CACNA1C: variants seen among roughly 807,000 people sequenced by gnomAD.
The protein encoded by CACNA1C is voltage-dependent L-type calcium channel subunit alpha-1C.
A neutral mutation model predicts 229.0 loss-of-function variants in CACNA1C; 30 were observed. The observed-to-expected ratio is 0.13, with a 90% CI of 0.10 to 0.18. CACNA1C has a LOEUF of 0.18. Ranked by LOEUF, CACNA1C falls within the 10% of genes least tolerant of loss-of-function variation. CACNA1C has a pLI of 1.00. For missense variants in CACNA1C, 1,658 were observed against 2,845.0 expected (o/e 0.58, Z 9.49); for synonymous variants, 1,114 against 1,132.5 (o/e 0.98, Z 0.33).
rs886049204 is a variant in CACNA1C at position 2,610,663 on chromosome 12, C to T, written c.3681C>T (p.Val1227=). ...NSTYFEYLMF[V]LILLNTICLA... is the part of the protein sequence containing the mutation. ...CCTACTTCGAGTACCTGATGTTCGT[C>T]CTCATCCTGCTCAACACCATCTGCC... Residue 1227 remains valine, a synonymous_variant, in exon 28 of 47, where the codon GTC becomes GTT. Transcript: ENST00000399655. 1.2e-6 allele frequency: 2 copies of T among 1,614,256 alleles called. No individual in the cohort carries two copies. Among genetic ancestry groups the T allele is most frequent in the Admixed American group, 3.3e-5 (2 of 60,032 alleles).
At chr12:2,186,463 G>A (rs867107746) in intron 3 of CACNA1C, among the ~76,000 whole-genome samples, 7 of 152,308 alleles carry the variant, frequency 4.6e-5, no homozygotes, top group Middle Eastern at 3.4e-3. Flanking sequence ...AGTGTGAAAT[G>A]TGCCTGTACC....
chr12:2,200,433 T>C (rs2154317440), intron 3 of CACNA1C, among the ~76,000 whole-genome samples: 1 of 152,300 alleles, frequency 6.6e-6, no homozygotes, highest in South Asian at 2.1e-4. Context: ...AGGTTGCTAC[T>C]GGCATCTAGC....
Position 2,643,035 on chromosome 12 carries a change from A to C in CACNA1C, c.3913-5440A>C, listed in dbSNP as rs557330709. On this transcript the variant is annotated intron_variant, in intron 30 of 46. Transcript: ENST00000399655. ...CTCAGCCATCCACAGCTTCACACAC[A>C]AAGCAGGAAGAGCAAAAGAGGGCCA... 4.7e-4 allele frequency among the ~76,000 whole-genome samples: 72 copies of C among 152,344 alleles called. 1 individual carries two copies. The highest frequency in any genetic ancestry group is 8.1e-4 in the Non-Finnish European group (55 of 68,022).
In CACNA1C at chr12:2,605,293, G is replaced by A. The variant is rs913654684; in HGVS notation, c.3048+125G>A. 20 of 668,980 alleles carry A rather than the reference G, an allele frequency of 3.0e-5. 1 individual carries two copies. The South Asian group carries it at 3.4e-4, about 11-fold the overall frequency. 41.4% of individuals were successfully genotyped at this position (668,980 alleles called of 1,614,324 possible). ...CAAGTGGCTGCCATGTGGGGTCCCG[G>A]ACACTGGTCCCACTGCATGTCCCGG... On this transcript the variant is annotated intron_variant, in intron 23 of 46. Transcript: ENST00000399655. The surrounding 1 kb of genome is among the most constrained non-coding windows in gnomAD (Gnocchi z 6.2).
chr12:2,421,027 A>G (rs979325001), intron 3 of CACNA1C, among the ~76,000 whole-genome samples: 14 of 152,210 alleles, frequency 9.2e-5, no homozygotes, highest in Admixed American at 6.5e-4. Flanking sequence ...AAGGTAAACT[A>G]TTAGTGACTA....
chr12:2,261,527 T>TA (rs1349706206), intron 3 of CACNA1C, among the ~76,000 whole-genome samples: 1 of 152,208 alleles, frequency 6.6e-6, no homozygotes, highest in Non-Finnish European at 1.5e-5. Flanking sequence ...TCCTCACAGA[T>TA]ACACGAAAAA....
At chr12:2,214,326 A>G (rs1057214033) in intron 3 of CACNA1C, among the ~76,000 whole-genome samples, 67 of 152,096 alleles carry the variant, frequency 4.4e-4, no homozygotes, top group African/African-American at 1.4e-3. Context: ...CTGTGACTCC[A>G]CTTCTCACTT....
intron 37 of CACNA1C, chr12:2,668,530 C>A: frequency 5.6e-6 from 1 of 178,570 alleles, no homozygotes; most frequent in African/African-American, 2.4e-5. Context: ...TTAATTGGCC[C>A]ACAGTTCAGC....
intron 11 of CACNA1C, among the ~76,000 whole-genome samples, chr12:2,565,273 C>T (rs1288450653): frequency 6.6e-6 from 1 of 151,270 alleles, no homozygotes; most frequent in Non-Finnish European, 1.5e-5. Context: ...TCGAGACCAT[C>T]CTGGCTAACA....
At position 2,142,898 on chromosome 12, in the gene CACNA1C, A is replaced by C. The variant is rs115552352; in HGVS notation, c.477+22468A>C. ...TTACAAAAGAGTCAAAAAGTTAAAA[A>C]AAATTAAAAGGTTTGTAAAGTAGAA... On this transcript the variant is annotated intron_variant, in intron 3 of 46. Coordinates refer to ENST00000399655, the MANE Select transcript of CACNA1C (RefSeq NM_000719.7). Among the ~76,000 whole-genome samples the C allele has an allele frequency of 1.9e-3, 295 of 151,598 alleles. 5 individuals carry two copies. Among genetic ancestry groups the C allele is most frequent in the African/African-American group, 6.7e-3 (279 of 41,516 alleles).
chr12:2,237,204 T>C (rs915573419), intron 3 of CACNA1C, among the ~76,000 whole-genome samples: 1 of 152,206 alleles, frequency 6.6e-6, no homozygotes, highest in Admixed American at 6.5e-5. Context: ...AGTATGATTT[T>C]CTGGGTCAAT....
At chr12:2,164,067 C>T (rs1027139656) in intron 3 of CACNA1C, among the ~76,000 whole-genome samples, 2 of 152,328 alleles carry the variant, frequency 1.3e-5, no homozygotes, top group Admixed American at 6.5e-5. Flanking sequence ...CTCCCCTCCT[C>T]TATCTAAACC....
intron 1 of CACNA1C, chr12:1,993,190 C>T (rs1266788010): frequency 1.2e-6 from 2 of 1,603,126 alleles, no homozygotes; most frequent in African/African-American, 1.3e-5. Flanking sequence ...AACACAATGG[C>T]AAACACTGTA....
chr12:1,992,101 T>A, intron 1 of CACNA1C: 1 of 336,150 alleles, frequency 3.0e-6, no homozygotes, highest in Non-Finnish European at 6.2e-6. Flanking sequence ...TCTTTAGTAA[T>A]AAACTACAAT....
intron 20 of CACNA1C, among the ~76,000 whole-genome samples, chr12:2,596,554 G>A (rs752302727): frequency 3.2e-4 from 49 of 152,210 alleles, no homozygotes; most frequent in Non-Finnish European, 4.6e-4. Context: ...AAGACAGCCC[G>A]CTGATCTAAA....
rs147405064 is a variant in CACNA1C, at chr12:2,127,853, C to T, written c.477+7423C>T. On this transcript the variant is annotated intron_variant, in intron 3 of 46. Transcript: ENST00000399655. ...CTCTCTGTTGGTATCTCTTTTGGCA[C>T]GTGGAGTAGTAATGCTTGCTTAGTC... 2.0e-3 allele frequency among the ~76,000 whole-genome samples: 310 copies of T among 152,272 alleles called. 1 individual carries two copies. The highest frequency in any genetic ancestry group is 7.1e-3 in the African/African-American group (294 of 41,552).
At chr12:2,642,021 G>A (rs530001017) in intron 30 of CACNA1C, among the ~76,000 whole-genome samples, 23 of 152,296 alleles carry the variant, frequency 1.5e-4, no homozygotes, top group African/African-American at 5.5e-4. Flanking sequence ...TTGAGGGGGT[G>A]CAGACAGAGA....
intron 3 of CACNA1C, among the ~76,000 whole-genome samples, chr12:2,234,911 C>T (rs189417956): frequency 1.2e-4 from 18 of 152,252 alleles, no homozygotes; most frequent in Admixed American, 1.2e-3. Flanking sequence ...GGGAAGAAGG[C>T]ATGACTGATA....
intron 4 of CACNA1C, among the ~76,000 whole-genome samples, chr12:2,452,384 G>A (rs1200855500): frequency 6.6e-6 from 1 of 152,164 alleles, no homozygotes; most frequent in African/African-American, 2.4e-5. Flanking sequence ...TTCCACGCCA[G>A]CCAGTGAGGC....
Sources: allele counts gnomAD v4.1 joint callset (sites outside exome capture counted in the v4.1 genomes callset), GRCh38; gene constraint gnomAD v4.1.1; non-coding constraint Gnocchi (gnomAD v3.1); transcripts MANE v1.5; gene names NCBI Gene and HGNC (gene_info 2026-07-23, HGNC 2026-07-21).